MAP3K9: variants seen among roughly 807,000 people sequenced by gnomAD.
MAP3K9 encodes the protein mixed lineage kinase 1 (tyr and ser/thr specificity).
Under a neutral mutation model 95.8 loss-of-function variants are expected in MAP3K9, and 46 were observed. That is an observed-to-expected ratio of 0.48 (90% confidence interval 0.38 to 0.61). The LOEUF (loss-of-function observed/expected upper bound fraction) is 0.61. MAP3K9 is among the 20% of genes least tolerant of loss of function. The probability of loss-of-function intolerance (pLI) is 0.00; values close to 1 mark genes in which losing one functional copy is unlikely to be tolerated. For synonymous variants in MAP3K9, 533 were observed against 593.8 expected, an observed-to-expected ratio of 0.90 and a Z score of 1.49; for missense variants, 1,296 against 1,474.3, an observed-to-expected ratio of 0.88 and a Z score of 1.98.
At chr14:70,755,720 A>G (rs757623603) in intron 3 of MAP3K9, among the ~76,000 whole-genome samples, 4 of 152,214 alleles carry the variant, frequency 2.6e-5, no homozygotes, top group Non-Finnish European at 5.9e-5. Flanking sequence ...TGAAAGGCCC[A>G]TTTAATGGGT....
In MAP3K9 at chr14:70,742,516, G is replaced by A. The variant is rs761687543; in HGVS notation, c.1402C>T (p.Arg468Trp). The A allele has an allele frequency of 1.2e-6, 2 of 1,614,078 alleles. No individual in the cohort carries two copies. The highest frequency in any genetic ancestry group is 8.5e-7 in the Non-Finnish European group (1 of 1,180,052). ...QKNQEELLRR[R>W]EQELAEREID... ...TCCCGCTCGGCCAGCTCCTGCTCCC[G>A]ACGCCGCAGCAGTTCCTCCTGGTTC... Residue 468 changes from arginine to tryptophan, a missense_variant, in exon 6 of 12, where the codon CGG (arginine) becomes TGG (tryptophan). By Grantham distance (101) the Arg-to-Trp change is moderately radical. This residue lies in a region of MAP3K9 where 377 missense variants were observed against 417.1 expected (regional missense o/e 0.90). Coordinates refer to ENST00000554752, the MANE Select transcript of MAP3K9 (RefSeq NM_001284230.2).
intron 2 of MAP3K9, among the ~76,000 whole-genome samples, chr14:70,787,096 T>C (rs1171007221): frequency 1.3e-5 from 2 of 152,188 alleles, no homozygotes; most frequent in Non-Finnish European, 2.9e-5. Context: ...ATCTGCACAC[T>C]GGAATCTAGC....
chr14:70,748,579 G>C (rs1327024433), intron 5 of MAP3K9, among the ~76,000 whole-genome samples: 3 of 151,956 alleles, frequency 2.0e-5, no homozygotes, highest in Admixed American at 6.5e-5. Context: ...CATATTTCCA[G>C]CTGGCAGGGT....
intron 1 of MAP3K9, 54 bp downstream of exon 1, chr14:70,808,712 G>A: frequency 1.2e-5 from 4 of 325,926 alleles, no homozygotes; most frequent in Non-Finnish European, 1.7e-5. Context: ...TTCCCCGACC[G>A]CCCCCCAGGC....
At chr14:70,782,954 G>A (rs1281033147) in intron 2 of MAP3K9, among the ~76,000 whole-genome samples, 1 of 152,188 alleles carries the variant, frequency 6.6e-6, no homozygotes, top group South Asian at 2.1e-4. Context: ...TGGAAGGTGG[G>A]CATAACAGGC....
chr14:70,787,454 G>A (rs145113101), intron 2 of MAP3K9, among the ~76,000 whole-genome samples: 1 of 150,184 alleles, frequency 6.7e-6, no homozygotes, highest in East Asian at 2.0e-4. Context: ...GTTGCAGCAA[G>A]CCGAGATGGC....
At position 70,782,046 on chromosome 14, in the gene MAP3K9, C is replaced by T. The variant is rs149366821; in HGVS notation, c.820+18621G>A. Among the ~76,000 whole-genome samples, 3 of 152,320 alleles carry T rather than the reference C, an allele frequency of 2.0e-5. No homozygotes were observed. The East Asian group carries it at 5.8e-4, about 29-fold the overall frequency. On this transcript the variant is annotated intron_variant, in intron 2 of 11. Coordinates refer to ENST00000554752, the MANE Select transcript of MAP3K9 (RefSeq NM_001284230.2). The stretch of plus-strand genomic sequence containing the variant: ...TATGGCCTACCTGCCCTATTACCAA[C>T]TCTTGAATCCTACCCCTTCTTTGAG...
At chr14:70,805,909 A>ATC (rs2054984726) in intron 1 of MAP3K9, among the ~76,000 whole-genome samples, 1 of 152,236 alleles carries the variant, frequency 6.6e-6, no homozygotes, top group Admixed American at 6.5e-5. Context: ...CCTGGGCGAC[A>ATC]GAGTGAAAAC....
intron 2 of MAP3K9, among the ~76,000 whole-genome samples, chr14:70,774,914 G>C (rs2054575887): frequency 1.4e-5 from 2 of 146,452 alleles, no homozygotes; most frequent in Admixed American, 1.4e-4. Flanking sequence ...AATCTGGGAG[G>C]GAGAGGTTGC....
rs1180122484 is a variant in MAP3K9 at position 70,800,832 on chromosome 14, C to T, written c.655G>A (p.Val219Ile). Residue 219 changes from valine to isoleucine, a missense_variant, in exon 2 of 12, where the codon GTC becomes ATC. Transcript: ENST00000554752. ...VCLKEPNLCL[V>I]MEFARGGPLN... ...GGTCCTCCACGAGCAAACTCCATGA[C>T]CAAGCAGAGGTTGGGCTCCTTCAGA... 3 of 1,614,198 alleles carry T rather than the reference C, an allele frequency of 1.9e-6. No individual in the cohort carries two copies. In the South Asian group the frequency reaches 3.3e-5, roughly 18 times the overall value.
At chr14:70,742,921 A>G (rs1280324108) in intron 5 of MAP3K9, among the ~76,000 whole-genome samples, 2 of 147,984 alleles carry the variant, frequency 1.4e-5, no homozygotes, top group South Asian at 4.2e-4. Flanking sequence ...TTATATATAT[A>G]TATATATATA....
chr14:70,724,549 A>C lies in MAP3K9; in HGVS notation c.*5831T>G, dbSNP rs1202589054. The C allele has an allele frequency of 6.6e-6, 1 of 151,938 alleles. No homozygotes were observed. Among genetic ancestry groups the C allele is most frequent in the Admixed American group, 6.6e-5 (1 of 15,256 alleles). 9.4% of individuals were successfully genotyped at this position (151,938 alleles called of 1,614,324 possible). A position where few individuals can be genotyped will look rare whatever the true frequency, so the allele number is the denominator to read the frequency against. The stretch of plus-strand genomic sequence containing the variant: ...AAATTTAAAGGGGTGCCAAAAAAAA[A>C]AGAGCCTCAGTAATCAAGGTAAATC... On this transcript the variant is annotated 3_prime_UTR_variant, in exon 12 of 12. Transcript: ENST00000554752.
chr14:70,787,131 AATG>A (rs1373037452), intron 2 of MAP3K9, among the ~76,000 whole-genome samples: 2 of 152,010 alleles, frequency 1.3e-5, no homozygotes, highest in East Asian at 3.8e-4. Flanking sequence ...TTCCTTTTTC[AATG>A]ATACTTTTTC....
chr14:70,789,334 G>T lies in MAP3K9; in HGVS notation c.820+11333C>A, dbSNP rs2054782201. On this transcript the variant is annotated intron_variant, in intron 2 of 11. Coordinates refer to ENST00000554752, the MANE Select transcript of MAP3K9 (RefSeq NM_001284230.2). ...CTGGCTTAGGAGAGGGCTACTCAGGGCTGCCTAAAATCCTCTTGCACCACT... is the reference window on the plus strand; with the variant it reads ...CTGGCTTAGGAGAGGGCTACTCAGGTCTGCCTAAAATCCTCTTGCACCACT... 2.0e-5 allele frequency among the ~76,000 whole-genome samples: 3 copies of T among 152,280 alleles called. No homozygotes were observed. The South Asian group carries it at 6.2e-4, about 32-fold the overall frequency.
chr14:70,786,121 G>A (rs895268658), intron 2 of MAP3K9, among the ~76,000 whole-genome samples: 14 of 152,236 alleles, frequency 9.2e-5, no homozygotes, highest in East Asian at 7.7e-4. Flanking sequence ...AAAATTTTAC[G>A]TCCTTAGTTG....
At chr14:70,750,830 C>A (rs945710456) in intron 3 of MAP3K9, among the ~76,000 whole-genome samples, 1 of 152,060 alleles carries the variant, frequency 6.6e-6, no homozygotes. Context: ...GAAGAGGCAG[C>A]CTCCCAAGTA....
At chr14:70,768,227 C>T (rs2054483643) in intron 2 of MAP3K9, among the ~76,000 whole-genome samples, 1 of 151,940 alleles carries the variant, frequency 6.6e-6, no homozygotes, top group African/African-American at 2.4e-5. Flanking sequence ...GATTATTATG[C>T]ATCATATGCC....
intron 6 of MAP3K9, among the ~76,000 whole-genome samples, chr14:70,741,251 C>T (rs565539655): frequency 5.9e-5 from 9 of 152,234 alleles, no homozygotes; most frequent in South Asian, 4.1e-4. Flanking sequence ...CCACCATGCC[C>T]GGCTAATTTT....
rs576100168 is a variant in MAP3K9 at position 70,782,554 on chromosome 14, G to C, written c.820+18113C>G. On this transcript the variant is annotated intron_variant, in intron 2 of 11. Coordinates refer to ENST00000554752, the MANE Select transcript of MAP3K9 (RefSeq NM_001284230.2). ...TGGGAGTTGCCATTGTGAACCACAA[G>C]TCCTTAATAGCCCTGGAAAGCTATG... Among the ~76,000 whole-genome samples, 14 of 152,286 alleles carry C rather than the reference G, an allele frequency of 9.2e-5. No individual in the cohort carries two copies. In the South Asian group the frequency reaches 1.0e-3, roughly 11 times the overall value.
Sources: gnomAD v4.1 joint callset for allele counts (sites outside exome capture counted in the v4.1 genomes callset) on GRCh38, gnomAD v4.1.1 for gene constraint, gnomAD v4.1.1 regional missense constraint, MANE v1.5 for transcripts, NCBI Gene and HGNC (gene_info 2026-07-23, HGNC 2026-07-21) for gene names.